COL4A4: variants seen among roughly 807,000 people sequenced by gnomAD.
COL4A4 encodes the protein collagen alpha-4(IV) chain.
A neutral mutation model predicts 192.9 loss-of-function variants in COL4A4; 105 were observed. The ratio of observed to expected loss-of-function variants is 0.54; its 90% CI spans 0.46 to 0.64. The LOEUF (loss-of-function observed/expected upper bound fraction) is 0.64, where lower values mean the gene tolerates loss of function less well. Among genes scored for constraint, COL4A4 ranks in the 30% least tolerant of loss-of-function variants. The pLI is 0.00. For missense variants in COL4A4, 1,967 were observed against 2,169.3 expected (o/e 0.91, Z 1.85); for synonymous variants, 762 against 769.9 (o/e 0.99, Z 0.17).
intron 25 of COL4A4, among the ~76,000 whole-genome samples, chr2:227,070,737 GA>G (rs2058669748): frequency 9.3e-6 from 1 of 107,406 alleles, no homozygotes; most frequent in Non-Finnish European, 1.9e-5. Context: ...GGGGAGGGGG[GA>G]GGGGGGAGGA....
chr2:227,030,528 T>C lies in COL4A4; in HGVS notation c.3888A>G (p.Leu1296=). 6.2e-7 allele frequency: 1 copy of C among 1,614,032 alleles called. No individual in the cohort carries two copies. Among genetic ancestry groups the C allele is most frequent in the Non-Finnish European group, 8.5e-7 (1 of 1,179,908 alleles). Residue 1296 remains leucine, a synonymous_variant, in exon 41 of 48, where the codon CTA becomes CTG. Transcript: ENST00000396625. ...LLRGEPGDCG[L]PGPPGPPGPP... ...GGCCAGGGGGACCTGGTGGCCCTGG[T>C]AGACCACAGTCACCTGGCTCCCCTC...
chr2:227,060,128 T>TA lies in COL4A4; in HGVS notation c.2164+7_2164+8insT. 2.3e-6 allele frequency: 1 copy of TA among 431,238 alleles called. No homozygotes were observed. Among genetic ancestry groups the TA allele is most frequent in the Non-Finnish European group, 3.4e-6 (1 of 297,342 alleles). The allele number at this position is 431,238 out of a possible 1,614,324, so 26.7% of individuals were successfully genotyped here. A position where few individuals can be genotyped will look rare whatever the true frequency, so the allele number is the denominator to read the frequency against. On this transcript the variant is annotated splice_region_variant and intron_variant, in intron 27 of 47. Transcript: ENST00000396625. ...AAAAAAAAAAAAAAAAAAAAAAACC[T>TA]CACTGACCAGGTGGACCTGGTATTT... is the stretch of plus-strand genomic sequence containing the variant.
rs563339590 is a variant in COL4A4, at chr2:227,006,168, G to C, written c.*1157C>G. 1 of 152,704 alleles carries C rather than the reference G, an allele frequency of 6.5e-6. No homozygotes were observed. The highest frequency in any genetic ancestry group is 6.5e-5 in the Admixed American group (1 of 15,296). The allele number at this position is 152,704 out of a possible 1,614,324, so 9.5% of individuals were successfully genotyped here. A position where few individuals can be genotyped will look rare whatever the true frequency, so the allele number is the denominator to read the frequency against. On this transcript the variant is annotated 3_prime_UTR_variant, in exon 48 of 48. Coordinates refer to ENST00000396625, the MANE Select transcript of COL4A4 (RefSeq NM_000092.5). Reference sequence around the variant, plus strand: ...GATAGTGCCATGTCCTCCTGATGGGGTAACCCTGACTTAAATGAATCTTCT... The same window carrying C: ...GATAGTGCCATGTCCTCCTGATGGGCTAACCCTGACTTAAATGAATCTTCT...
rs755149598 is a variant in COL4A4, at chr2:227,109,289, A to T, written c.595-3T>A. On this transcript the variant is annotated splice_region_variant and splice_polypyrimidine_tract_variant and intron_variant, in intron 9 of 47. Coordinates refer to ENST00000396625, the MANE Select transcript of COL4A4 (RefSeq NM_000092.5). ...GGTCCTCCTGCACCCCAAGATCCCT[A>T]AACATGAGAAAAATCAGTGCATCTG... 12 of 1,613,332 alleles carry T rather than the reference A, an allele frequency of 7.4e-6. No homozygotes were observed. Among genetic ancestry groups the T allele is most frequent in the African/African-American group, 1.3e-5 (1 of 74,914 alleles).
the COL4A4 span, among the ~76,000 whole-genome samples, chr2:226,986,469 T>G: frequency 6.6e-6 from 1 of 152,126 alleles, no homozygotes; most frequent in African/African-American, 2.4e-5. Context: ...AATAAAAAGT[T>G]TATTAAAAAA....
chr2:227,077,781 G>T (rs2059111885), intron 25 of COL4A4, 113 bp downstream of exon 25: 1 of 981,080 alleles, frequency 1.0e-6, no homozygotes, highest in Non-Finnish European at 1.5e-6. Flanking sequence ...CACTACTCGG[G>T]TGACAGGTAC....
rs1025926105 is a variant in COL4A4 at position 227,123,239 on chromosome 2, C to T, written c.193-2091G>A. Among the ~76,000 whole-genome samples the T allele has an allele frequency of 6.6e-6, 1 of 152,030 alleles. No homozygotes were observed. The highest frequency in any genetic ancestry group is 6.6e-5 in the Admixed American group (1 of 15,258). On this transcript the variant is annotated intron_variant, in intron 4 of 47. Transcript: ENST00000396625. This position sits in a 1 kb window ranked among gnomAD's most constrained non-coding sequence, Gnocchi z 4.6. ...CAGGAGGGAGATGGGGCAGGAGCCC[C>T]GTAAAAATAGTGCAAGAACATTCAC... is the stretch of plus-strand genomic sequence containing the variant.
At chr2:227,160,947 G>A (rs1198212513) in intron 1 of COL4A4, among the ~76,000 whole-genome samples, 1 of 152,212 alleles carries the variant, frequency 6.6e-6, no homozygotes, top group Admixed American at 6.5e-5. Flanking sequence ...TTCTTAAAAG[G>A]AAAAGGATGG....
At chr2:227,160,285 A>G (rs1056615363) in intron 1 of COL4A4, among the ~76,000 whole-genome samples, 2 of 152,228 alleles carry the variant, frequency 1.3e-5, no homozygotes, top group Non-Finnish European at 2.9e-5. Context: ...TGTGATGAGT[A>G]TTACTGACAT....
intron 1 of COL4A4, among the ~76,000 whole-genome samples, chr2:227,154,267 C>T (rs1281805246): frequency 6.6e-6 from 1 of 152,182 alleles, no homozygotes. Flanking sequence ...CTGCCCAATG[C>T]TTTCCAAATG....
Position 227,051,116 on chromosome 2 carries a change from G to A in COL4A4, c.3011C>T (p.Pro1004Leu), listed in dbSNP as rs1800517. 801,610 of 1,613,426 alleles carry A rather than the reference G, an allele frequency of 0.5. 201,002 individuals are homozygous for A. The highest frequency in any genetic ancestry group is 0.64 in the South Asian group (58,052 of 91,064). The change falls in exon 33 of 48, where the codon CCG (proline) becomes CTG (leucine). Residue 1004 changes from proline to leucine, a missense_variant. By Grantham distance (98) the Pro-to-Leu change is moderately conservative. Transcript: ENST00000396625. Reference protein sequence around the residue: ...TPGMQGRRGEPGRYGPPGFHR... With the variant: ...TPGMQGRRGELGRYGPPGFHR... ...AAATCCAGGTGGTCCGTATCTTCCCGGCTCTCCTCTTCTCCCTTGCATCCC... is the reference window on the plus strand; with the variant it reads ...AAATCCAGGTGGTCCGTATCTTCCCAGCTCTCCTCTTCTCCCTTGCATCCC...
chr2:227,107,758 T>G (rs1426601446), intron 12 of COL4A4, among the ~76,000 whole-genome samples: 1 of 15,034 alleles, frequency 6.7e-5, no homozygotes, highest in South Asian at 1.1e-3. Context: ...TCACTTTTCT[T>G]TTTTTTTTTT....
In COL4A4 at chr2:227,002,799, C is replaced by T. The variant is rs1961302011; in HGVS notation, c.*4526G>A. On this transcript the variant is annotated 3_prime_UTR_variant, in exon 48 of 48. Coordinates refer to ENST00000396625, the MANE Select transcript of COL4A4 (RefSeq NM_000092.5). ...CAAATATTTAAGTGCCAATGGCAGACCAGGCATCTTGCAAAAGTTACATGC... is the reference window on the plus strand; with the variant it reads ...CAAATATTTAAGTGCCAATGGCAGATCAGGCATCTTGCAAAAGTTACATGC... 1 of 152,608 alleles carries T rather than the reference C, an allele frequency of 6.6e-6. No individual in the cohort carries two copies. Among genetic ancestry groups the T allele is most frequent in the African/African-American group, 2.4e-5 (1 of 41,424 alleles). 9.5% of individuals were successfully genotyped at this position (152,608 alleles called of 1,614,324 possible).
chr2:226,988,472 C>T, the COL4A4 span: 3 of 1,545,782 alleles, frequency 1.9e-6, no homozygotes, highest in African/African-American at 4.1e-5. Flanking sequence ...CTGCAGGGTC[C>T]CTGTAGTGGA....
the COL4A4 span, among the ~76,000 whole-genome samples, chr2:226,986,766 G>A: frequency 6.0e-4 from 92 of 152,358 alleles, no homozygotes; most frequent in South Asian, 0.011. Flanking sequence ...GTGGAAGATA[G>A]TGTGGCGATT....
At chr2:227,103,234 ATTAT>A (rs776716163) in intron 13 of COL4A4, 37 bp from the exon 14 acceptor site, 114 of 1,424,720 alleles carry the variant, frequency 8.0e-5, no homozygotes, top group Non-Finnish European at 3.3e-5. Context: ...GTCTATTCTT[ATTAT>A]TTAACATACT....
rs927436000 is a variant in COL4A4, at chr2:227,006,299, C to T, written c.*1026G>A. On this transcript the variant is annotated 3_prime_UTR_variant, in exon 48 of 48. Transcript: ENST00000396625. ...CATTATGTGTGTGGAGCAAAGTGTC[C>T]GTTGTGAGTGCAAGAAGCTGTGCAG... 4 of 152,536 alleles carry T rather than the reference C, an allele frequency of 2.6e-5. No individual in the cohort carries two copies. The highest frequency in any genetic ancestry group is 7.2e-5 in the African/African-American group (3 of 41,428). 9.4% of individuals were successfully genotyped at this position (152,536 alleles called of 1,614,324 possible).
chr2:227,071,763 A>G (rs770623461), intron 25 of COL4A4, among the ~76,000 whole-genome samples: 2 of 152,148 alleles, frequency 1.3e-5, no homozygotes, highest in Non-Finnish European at 2.9e-5. Context: ...AATTATACAA[A>G]TACATGGAAA....
At chr2:227,026,186 G>A (rs1966851803) in intron 42 of COL4A4, among the ~76,000 whole-genome samples, 1 of 152,102 alleles carries the variant, frequency 6.6e-6, no homozygotes, top group South Asian at 2.1e-4. Flanking sequence ...GGTATGCATA[G>A]AAAGGAAATA....
Sources: gnomAD v4.1 joint callset for allele counts (sites outside exome capture counted in the v4.1 genomes callset) on GRCh38, gnomAD v4.1.1 for gene constraint, Gnocchi (gnomAD v3.1) non-coding constraint, MANE v1.5 for transcripts, NCBI Gene and HGNC (gene_info 2026-07-23, HGNC 2026-07-21) for gene names.